LRP5: variants seen among roughly 807,000 people sequenced by gnomAD.
The protein encoded by LRP5 is LDL receptor related protein 5.
A neutral mutation model predicts 154.1 loss-of-function variants in LRP5; 62 were observed. The observed-to-expected ratio is 0.40, with a 90% CI of 0.33 to 0.50. The LOEUF (loss-of-function observed/expected upper bound fraction) is 0.50, where lower values mean the gene tolerates loss of function less well. Among genes scored for constraint, LRP5 ranks in the 20% least tolerant of loss-of-function variants. The pLI, the probability that LRP5 is intolerant of heterozygous loss-of-function variation, is 0.55. For synonymous variants in LRP5, 966 were observed against 1,011.5 expected, an observed-to-expected ratio of 0.96 and a Z score of 0.85; for missense variants, 1,915 against 2,336.7, an observed-to-expected ratio of 0.82 and a Z score of 3.72.
intron 9 of LRP5, among the ~76,000 whole-genome samples, chr11:68,407,505 A>C (rs1165879344): frequency 6.6e-6 from 1 of 151,108 alleles, no homozygotes; most frequent in East Asian, 2.0e-4. Context: ...AGAAGAGTTT[A>C]GCAAACTAGT....
intron 17 of LRP5, among the ~76,000 whole-genome samples, chr11:68,432,370 G>C (rs549904120): frequency 1.3e-5 from 2 of 152,296 alleles, no homozygotes; most frequent in Admixed American, 1.3e-4. Flanking sequence ...TCTGTCGTTG[G>C]CTCCTCTCAG....
chr11:68,429,651 C>T lies in LRP5; in HGVS notation c.3714C>T (p.Cys1238=). 1 of 1,614,162 alleles carries T rather than the reference C, an allele frequency of 6.2e-7. No homozygotes were observed. Among genetic ancestry groups the T allele is most frequent in the Non-Finnish European group, 8.5e-7 (1 of 1,180,034 alleles). Residue 1238 remains cysteine, a synonymous_variant, in exon 17 of 23, where the codon TGC becomes TGT. Coordinates refer to ENST00000294304, the MANE Select transcript of LRP5 (RefSeq NM_002335.4). ...CIAKGDGTPR[C]SCPVHLVLLQ... ...CCAAGGGTGATGGGACACCACGGTG[C>T]TCATGCCCAGTCCACCTCGTGCTCC...
chr11:68,337,757 A>G (rs756768289), intron 1 of LRP5, among the ~76,000 whole-genome samples: 4 of 146,202 alleles, frequency 2.7e-5, no homozygotes, highest in Non-Finnish European at 4.5e-5. Flanking sequence ...CCACAGCCAG[A>G]TCTTCCTCCT....
At chr11:68,443,585 A>ATATATATATTTTTTT (rs1259673892) in intron 21 of LRP5, among the ~76,000 whole-genome samples, 1 of 24,834 alleles carries the variant, frequency 4.0e-5, no homozygotes, top group Non-Finnish European at 6.8e-5. Flanking sequence ...ATATATATAT[A>ATATATATATTTTTTT]TTTTTTTTTT....
At chr11:68,371,999 A>C (rs1490544469) in intron 5 of LRP5, among the ~76,000 whole-genome samples, 1 of 152,208 alleles carries the variant, frequency 6.6e-6, no homozygotes, top group Non-Finnish European at 1.5e-5. Context: ...TGAAGGATAG[A>C]GGCTCTGTGG....
chr11:68,396,372 T>C (rs1030499827), intron 7 of LRP5, among the ~76,000 whole-genome samples: 1 of 152,144 alleles, frequency 6.6e-6, no homozygotes, highest in Admixed American at 6.5e-5. Context: ...GAGGATTCCG[T>C]TCCACGTGGT....
At chr11:68,300,400 T>C in the LRP5 span, among the ~76,000 whole-genome samples, 1 of 149,312 alleles carries the variant, frequency 6.7e-6, no homozygotes, top group African/African-American at 2.4e-5. Flanking sequence ...TGGCCCTTGC[T>C]GTCTCTGGAA....
chr11:68,350,934 G>A (rs7934462), intron 2 of LRP5, among the ~76,000 whole-genome samples: 12,599 of 152,216 alleles, frequency 0.083, 1,647 homozygotes, highest in African/African-American at 0.28. Flanking sequence ...GCGTGCATAC[G>A]TGTGAGCCTG....
intron 5 of LRP5, among the ~76,000 whole-genome samples, chr11:68,385,443 G>C (rs898355608): frequency 2.6e-5 from 4 of 152,106 alleles, no homozygotes; most frequent in Non-Finnish European, 4.4e-5. Context: ...ATTTAGAAAC[G>C]AGGTCTGAGT....
At chr11:68,433,186 G>T (rs906849469) in intron 17 of LRP5, among the ~76,000 whole-genome samples, 1 of 152,230 alleles carries the variant, frequency 6.6e-6, no homozygotes, top group African/African-American at 2.4e-5. Flanking sequence ...GGAGGGCGCA[G>T]TGGGCACTCA....
chr11:68,338,878 T>TG (rs1479580324), intron 1 of LRP5, among the ~76,000 whole-genome samples: 2 of 139,188 alleles, frequency 1.4e-5, no homozygotes, highest in African/African-American at 2.7e-5. Context: ...TTTTTTTTTT[T>TG]TTTTTTTTTT....
At chr11:68,323,893 C>T (rs764335069) in intron 1 of LRP5, among the ~76,000 whole-genome samples, 3 of 152,196 alleles carry the variant, frequency 2.0e-5, no homozygotes, top group Non-Finnish European at 4.4e-5. Context: ...GCTGCAGTGC[C>T]GGAGGACTCC....
intron 7 of LRP5, among the ~76,000 whole-genome samples, chr11:68,390,837 CTGTGGA>C: frequency 7.4e-6 from 1 of 135,818 alleles, no homozygotes; most frequent in African/African-American, 2.8e-5. Context: ...TGGCCTCGTC[CTGTGGA>C]CGCAGCCTCG....
At chr11:68,354,163 C>T (rs569475958) in intron 2 of LRP5, among the ~76,000 whole-genome samples, 7 of 152,342 alleles carry the variant, frequency 4.6e-5, no homozygotes, top group East Asian at 3.9e-4. Context: ...CAACCACAAC[C>T]GCAGCTGGCT....
chr11:68,351,728 G>A (rs1456709634), intron 2 of LRP5, among the ~76,000 whole-genome samples: 1 of 152,236 alleles, frequency 6.6e-6, no homozygotes, highest in African/African-American at 2.4e-5. Flanking sequence ...GTGAGTGGGA[G>A]GAGATGGTAA....
At position 68,423,922 on chromosome 11, in the gene LRP5, C is replaced by T. The variant is rs2098667267; in HGVS notation, c.3236+225C>T. On this transcript the variant is annotated intron_variant, in intron 14 of 22. Coordinates refer to ENST00000294304, the MANE Select transcript of LRP5 (RefSeq NM_002335.4). The surrounding 1 kb of genome is among the most constrained non-coding windows in gnomAD (Gnocchi z 4.7). ...AAGGGGGAGCTCTGCTGAGAGGTTA[C>T]AAGGCAGCGCTGGCCGACGGGAGTT... Among the ~76,000 whole-genome samples, 1 of 152,258 alleles carries T rather than the reference C, an allele frequency of 6.6e-6. No individual in the cohort carries two copies. The highest frequency in any genetic ancestry group is 6.5e-5 in the Admixed American group (1 of 15,290).
At chr11:68,442,654 G>A (rs2098678795) in intron 21 of LRP5, among the ~76,000 whole-genome samples, 1 of 152,206 alleles carries the variant, frequency 6.6e-6, no homozygotes, top group African/African-American at 2.4e-5. Context: ...TGCTAACGAT[G>A]TATAAAAGCT....
chr11:68,318,410 G>A (rs1437134338), intron 1 of LRP5, among the ~76,000 whole-genome samples: 1 of 148,988 alleles, frequency 6.7e-6, no homozygotes, highest in Admixed American at 6.8e-5. Context: ...TTCAGTCACC[G>A]CTTACTGCAG....
chr11:68,338,707 C>T (rs973052120), intron 1 of LRP5, among the ~76,000 whole-genome samples: 12 of 152,110 alleles, frequency 7.9e-5, no homozygotes, highest in African/African-American at 2.2e-4. Flanking sequence ...AAGTGTTCTA[C>T]GCCCGATTAA....
Sources: allele counts gnomAD v4.1 joint callset (sites outside exome capture counted in the v4.1 genomes callset), GRCh38; gene constraint gnomAD v4.1.1; non-coding constraint Gnocchi (gnomAD v3.1); transcripts MANE v1.5; gene names NCBI Gene and HGNC (gene_info 2026-07-23, HGNC 2026-07-21).